ATRX: variants seen among roughly 807,000 people sequenced by gnomAD.
ATRX encodes chromatin remodeler ATRX.
A neutral mutation model predicts 172.6 loss-of-function variants in ATRX; 12 were observed. The ratio of observed to expected loss-of-function variants is 0.07; its 90% CI spans 0.04 to 0.11. The LOEUF is 0.11. ATRX is among the 10% of genes least tolerant of loss of function. The pLI, the probability that ATRX is intolerant of heterozygous loss-of-function variation, is 1.00. For missense variants in ATRX, 1,368 were observed against 1,767.4 expected, an observed-to-expected ratio of 0.77 and a Z score of 4.05; for synonymous variants, 674 against 594.7, an observed-to-expected ratio of 1.13 and a Z score of -1.94.
chrX:77,561,975 G>A (rs1275414085), intron 28 of ATRX, among the ~76,000 whole-genome samples: 2 of 111,565 alleles, frequency 1.8e-5, no homozygotes, highest in Non-Finnish European at 1.9e-5. Flanking sequence ...ATACAGAACT[G>A]TTCTGTCATC....
chrX:77,560,853 G>A (rs2064994549), intron 28 of ATRX, among the ~76,000 whole-genome samples: 1 of 111,559 alleles, frequency 9.0e-6, no homozygotes, highest in African/African-American at 3.3e-5. Context: ...CAATTTTGAA[G>A]AAAATGTATT....
At chrX:77,609,003 T>C (rs185918347) in intron 22 of ATRX, among the ~76,000 whole-genome samples, 125 of 112,215 alleles carry the variant, frequency 1.1e-3, no homozygotes, top group Middle Eastern at 4.6e-3. Context: ...CTCAACATCA[T>C]TGGTCATCTG....
chrX:77,673,827 C>A (rs2070740450), intron 10 of ATRX: 1 of 110,495 alleles, frequency 9.1e-6, no homozygotes, highest in Admixed American at 9.7e-5. Flanking sequence ...GTATTTACGT[C>A]CTAAATTTCA....
At chrX:77,637,236 T>C (rs1403755831) in intron 15 of ATRX, among the ~76,000 whole-genome samples, 5 of 112,098 alleles carry the variant, frequency 4.5e-5, no homozygotes, top group African/African-American at 1.6e-4. Flanking sequence ...GATAGGAACA[T>C]ATAATACCTT....
chrX:77,538,853 T>C (rs1389478581), intron 30 of ATRX, among the ~76,000 whole-genome samples: 3 of 110,529 alleles, frequency 2.7e-5, no homozygotes, highest in Non-Finnish European at 5.7e-5. Flanking sequence ...AAGGGCCTTG[T>C]TGGATTTATT....
intron 19 of ATRX, among the ~76,000 whole-genome samples, 193 bp from the exon 20 acceptor site, chrX:77,620,725 C>A (rs183882689): frequency 9.0e-6 from 1 of 111,313 alleles, no homozygotes; most frequent in Non-Finnish European, 1.9e-5. Context: ...TTAATTATAT[C>A]CAAATGGTAG....
Position 77,682,059 on chromosome X carries a change from T to C in ATRX, c.3197A>G (p.Lys1066Arg). Residue 1066 changes from lysine (K) to arginine (R), a missense_variant, in exon 9 of 35, where the codon AAG (lysine) becomes AGG (arginine). Lys to Arg is a conservative substitution (Grantham distance 26). Coordinates refer to ENST00000373344, the MANE Select transcript of ATRX (RefSeq NM_000489.6). The part of the protein sequence containing the change: ...KKDELSDYAE[K>R]STGKGDSCDS... ...ACAACTATCTCCTTTCCCTGTTGACTTCTCAGCATAATCAGATAATTCATC... is the reference window on the plus strand; with the variant it reads ...ACAACTATCTCCTTTCCCTGTTGACCTCTCAGCATAATCAGATAATTCATC... 5.0e-6 allele frequency: 6 copies of C among 1,211,169 alleles called. No homozygotes were observed. Among genetic ancestry groups the C allele is most frequent in the Non-Finnish European group, 6.7e-6 (6 of 894,981 alleles).
intron 10 of ATRX, among the ~76,000 whole-genome samples, chrX:77,665,748 C>T (rs781868672): frequency 1.8e-4 from 20 of 111,574 alleles, no homozygotes; most frequent in African/African-American, 5.9e-4. Context: ...TCACAAATCA[C>T]GGTAACAAGA....
At chrX:77,660,698 A>AT (rs1447039032) in intron 12 of ATRX, among the ~76,000 whole-genome samples, 5 of 111,617 alleles carry the variant, frequency 4.5e-5, no homozygotes, top group African/African-American at 9.7e-5. Context: ...TATTAATTGT[A>AT]TATGTGTGTG....
intron 10 of ATRX, chrX:77,674,331 C>T (rs782322320): frequency 9.0e-6 from 1 of 111,223 alleles, no homozygotes; most frequent in Admixed American, 9.6e-5. Flanking sequence ...TTAGATACCT[C>T]TTTGGTATAG....
At chrX:77,643,666 C>T (rs782807516) in intron 15 of ATRX, among the ~76,000 whole-genome samples, 71 of 111,381 alleles carry the variant, frequency 6.4e-4, no homozygotes, top group African/African-American at 2.2e-3. Context: ...TATCCTCCTA[C>T]CTCAGCCTCC....
At chrX:77,567,155 A>G (rs1305998690) in intron 28 of ATRX, among the ~76,000 whole-genome samples, 1 of 111,720 alleles carries the variant, frequency 9.0e-6, no homozygotes, top group Non-Finnish European at 1.9e-5. Flanking sequence ...TTTCAAAAAT[A>G]TAAAACTAAC....
Position 77,682,729 on chromosome X carries a change from T to A in ATRX, c.2527A>T (p.Asn843Tyr), listed in dbSNP as rs782018257. 2.9e-5 allele frequency: 35 copies of A among 1,210,067 alleles called. No homozygotes were observed. The highest frequency in any genetic ancestry group is 2.3e-4 in the Middle Eastern group (1 of 4,355). The change falls in exon 9 of 35, where the codon AAT (asparagine) becomes TAT (tyrosine). Residue 843 changes from asparagine to tyrosine, a missense_variant. Asn to Tyr is a moderately radical substitution (Grantham distance 143). This residue lies in a region of ATRX where 843 missense variants were observed against 643.1 expected (regional missense o/e 1.31). Transcript: ENST00000373344. ...AARTTKKRIP[N>Y]TKDFDSSEDE... The stretch of plus-strand genomic sequence containing the variant: ...TCAGAAGAGTCAAAATCTTTTGTAT[T>A]TGGAATTCTTTTTTTGGTGGTTCTG...
At chrX:77,638,396 C>T (rs2068499483) in intron 15 of ATRX, among the ~76,000 whole-genome samples, 1 of 112,895 alleles carries the variant, frequency 8.9e-6, no homozygotes, top group Non-Finnish European at 1.9e-5. Context: ...TCGCTTGAAC[C>T]TGAGAGGTGG....
chrX:77,738,487 G>C (rs1192921358), intron 1 of ATRX, among the ~76,000 whole-genome samples: 2 of 107,244 alleles, frequency 1.9e-5, no homozygotes, highest in African/African-American at 3.4e-5. Context: ...AATTTAATGA[G>C]TAGAAAAGTA....
chrX:77,573,071 T>A (rs1557068461), intron 28 of ATRX, among the ~76,000 whole-genome samples: 2 of 112,420 alleles, frequency 1.8e-5, no homozygotes, highest in African/African-American at 6.4e-5. Flanking sequence ...TTTGTGTATG[T>A]GTATACGTAT....
intron 2 of ATRX, among the ~76,000 whole-genome samples, chrX:77,710,479 G>A (rs1206907475): frequency 9.0e-6 from 1 of 110,543 alleles, no homozygotes; most frequent in East Asian, 2.8e-4. Context: ...AATCCCAAAT[G>A]TTCCAATGAG....
At chrX:77,573,195 T>C (rs782010037) in intron 28 of ATRX, among the ~76,000 whole-genome samples, 28 of 112,035 alleles carry the variant, frequency 2.5e-4, no homozygotes, top group African/African-American at 8.7e-4. Flanking sequence ...ATATTTTTAC[T>C]GTATCTTTTC....
At chrX:77,725,859 G>A (rs1431766055) in intron 1 of ATRX, among the ~76,000 whole-genome samples, 1 of 112,353 alleles carries the variant, frequency 8.9e-6, no homozygotes, top group Non-Finnish European at 1.9e-5. Flanking sequence ...TGCAGCCAAA[G>A]ACACATGTAA....
Sources: gnomAD v4.1 joint callset for allele counts (sites outside exome capture counted in the v4.1 genomes callset) on GRCh38, gnomAD v4.1.1 for gene constraint, gnomAD v4.1.1 regional missense constraint, MANE v1.5 for transcripts, NCBI Gene and HGNC (gene_info 2026-07-23, HGNC 2026-07-21) for gene names.